ADAMTSL1: variants seen among roughly 807,000 people sequenced by gnomAD.
ADAMTSL1 encodes ADAMTS like 1, also known as ADAMTS-like protein 1.
In ADAMTSL1, 126 loss-of-function variants were observed where a neutral mutation model predicts 201.8. The observed-to-expected ratio is 0.62, with a 90% CI of 0.54 to 0.72. ADAMTSL1 has a LOEUF of 0.72. Ranked by LOEUF, ADAMTSL1 falls within the 30% of genes least tolerant of loss-of-function variation. ADAMTSL1 has a pLI of 0.00. For missense variants in ADAMTSL1, 2,679 were observed against 2,277.8 expected, an observed-to-expected ratio of 1.18 and a Z score of -3.59; for synonymous variants, 1,121 against 903.4, an observed-to-expected ratio of 1.24 and a Z score of -4.32.
chr9:18,680,284 G>T, intron 10 of ADAMTSL1, 28 bp from the exon 11 acceptor site: 1 of 1,608,118 alleles, frequency 6.2e-7, no homozygotes, highest in Non-Finnish European at 8.5e-7. Context: ...GTGCATGTCT[G>T]CCCTGATGAC....
intron 2 of ADAMTSL1, among the ~76,000 whole-genome samples, chr9:18,230,271 A>T (rs1012348852): frequency 2.6e-5 from 4 of 151,902 alleles, no homozygotes; most frequent in Non-Finnish European, 5.9e-5. Context: ...AACACCTGTG[A>T]CTCTCTAACT....
chr9:17,984,096 TTGTG>T (rs1439071780), intron 1 of ADAMTSL1, among the ~76,000 whole-genome samples: 2 of 152,138 alleles, frequency 1.3e-5, no homozygotes, highest in Admixed American at 6.5e-5. Flanking sequence ...GATGGGATTT[TTGTG>T]TGTGTGTTTA....
Position 17,952,917 on chromosome 9 carries a change from C to CCCTCAT in ADAMTSL1, c.87+45999_87+46000insATCCTC, listed in dbSNP as rs770558123. ...AGCAGTTTCTCTCTCTTCCTCCTTT[C>CCCTCAT]CCTCCTCCTCCTCCTCCTCCTCCTC... is the stretch of plus-strand genomic sequence containing the variant. On this transcript the variant is annotated intron_variant, in intron 1 of 29. Transcript: ENST00000680146. 3.1e-4 allele frequency among the ~76,000 whole-genome samples: 46 copies of CCCTCAT among 146,070 alleles called. No homozygotes were observed. The East Asian group carries it at 8.3e-3, about 26-fold the overall frequency.
intron 1 of ADAMTSL1, among the ~76,000 whole-genome samples, chr9:18,479,282 G>A (rs890554448): frequency 3.9e-5 from 6 of 152,220 alleles, no homozygotes; most frequent in Non-Finnish European, 7.3e-5. Context: ...TCAAGAAGAT[G>A]CCCAATGGCT....
At chr9:17,947,719 C>A (rs904141439) in intron 1 of ADAMTSL1, among the ~76,000 whole-genome samples, 1 of 152,124 alleles carries the variant, frequency 6.6e-6, no homozygotes, top group Non-Finnish European at 1.5e-5. Flanking sequence ...AGTGATTATT[C>A]AACTGTTTGC....
intron 13 of ADAMTSL1, among the ~76,000 whole-genome samples, chr9:18,692,084 C>T (rs1363401749): frequency 6.6e-6 from 1 of 152,108 alleles, no homozygotes; most frequent in Non-Finnish European, 1.5e-5. Flanking sequence ...CAGCTTACAC[C>T]ACCTTACTTC....
chr9:18,264,542 T>C (rs1832046501), intron 2 of ADAMTSL1, among the ~76,000 whole-genome samples: 1 of 152,048 alleles, frequency 6.6e-6, no homozygotes, highest in African/African-American at 2.4e-5. Context: ...AGGCACTGCC[T>C]CAGGAGTCCC....
At chr9:18,248,867 C>T (rs984893789) in intron 2 of ADAMTSL1, among the ~76,000 whole-genome samples, 1 of 152,088 alleles carries the variant, frequency 6.6e-6, no homozygotes, top group Non-Finnish European at 1.5e-5. Context: ...TTTTTTCTTA[C>T]ATAGTTGAAT....
chr9:18,422,596 G>GC (rs1360254765), intron 2 of ADAMTSL1, among the ~76,000 whole-genome samples: 1 of 152,108 alleles, frequency 6.6e-6, no homozygotes, highest in African/African-American at 2.4e-5. Flanking sequence ...GCCCCTGCAT[G>GC]CCTCCGTGTC....
chr9:18,539,377 A>G (rs1819990205), intron 3 of ADAMTSL1, among the ~76,000 whole-genome samples: 2 of 152,200 alleles, frequency 1.3e-5, no homozygotes, highest in Admixed American at 1.3e-4. Context: ...GGAGGTAAGA[A>G]CAAAGTGCTA....
At chr9:18,645,970 T>G (rs977387635) in intron 7 of ADAMTSL1, among the ~76,000 whole-genome samples, 23 of 151,788 alleles carry the variant, frequency 1.5e-4, no homozygotes, top group Non-Finnish European at 2.6e-4. Flanking sequence ...ATCTGTAAAT[T>G]ACCTTGGGCA....
intron 2 of ADAMTSL1, among the ~76,000 whole-genome samples, chr9:18,403,921 T>C (rs1481441144): frequency 1.3e-5 from 2 of 152,192 alleles, no homozygotes; most frequent in African/African-American, 2.4e-5. Context: ...GGGCAGGGGT[T>C]ATAGTGATAT....
intron 17 of ADAMTSL1, among the ~76,000 whole-genome samples, chr9:18,774,484 A>G (rs1303977288): frequency 1.3e-5 from 2 of 152,006 alleles, no homozygotes; most frequent in Non-Finnish European, 2.9e-5. Context: ...GCACCCACCC[A>G]GACTCCAATC....
At chr9:17,970,493 G>A (rs887690706) in intron 1 of ADAMTSL1, among the ~76,000 whole-genome samples, 1 of 152,014 alleles carries the variant, frequency 6.6e-6, no homozygotes, top group Non-Finnish European at 1.5e-5. Flanking sequence ...CACTTGGACA[G>A]CTTGACCCTT....
At chr9:18,684,864 T>C in intron 13 of ADAMTSL1, 64 bp downstream of exon 13, 4 of 1,543,406 alleles carry the variant, frequency 2.6e-6, no homozygotes, top group Non-Finnish European at 3.5e-6. Flanking sequence ...AAGCAGTGTC[T>C]CACTGGTTGT....
chr9:18,804,697 C>G (rs1442959652), intron 20 of ADAMTSL1, among the ~76,000 whole-genome samples: 6 of 152,122 alleles, frequency 3.9e-5, no homozygotes, highest in East Asian at 1.9e-4. Flanking sequence ...TTTAGTCCCT[C>G]AAAGTTTATT....
chr9:18,877,088 T>C (rs150922188), intron 23 of ADAMTSL1, among the ~76,000 whole-genome samples: 57 of 152,334 alleles, frequency 3.7e-4, no homozygotes, highest in African/African-American at 1.3e-3. Flanking sequence ...TTTCCAGAAG[T>C]TATGATTGTT....
At chr9:18,738,914 CG>C (rs970287766) in intron 15 of ADAMTSL1, among the ~76,000 whole-genome samples, 1 of 152,018 alleles carries the variant, frequency 6.6e-6, no homozygotes, top group African/African-American at 2.4e-5. Context: ...TGGCAGCTAC[CG>C]CATGGTATTT....
At chr9:18,583,846 G>T (rs1026133396) in intron 4 of ADAMTSL1, among the ~76,000 whole-genome samples, 2 of 152,274 alleles carry the variant, frequency 1.3e-5, no homozygotes, top group African/African-American at 2.4e-5. Context: ...AGGGCCTGTA[G>T]TCCCTTTGTT....
Sources: allele counts gnomAD v4.1 joint callset (sites outside exome capture counted in the v4.1 genomes callset), GRCh38; gene constraint gnomAD v4.1.1; transcripts MANE v1.5; gene names NCBI Gene and HGNC (gene_info 2026-07-23, HGNC 2026-07-21).